TMTC4: variants seen among roughly 807,000 people sequenced by gnomAD.
TMTC4 encodes transmembrane O-mannosyltransferase targeting cadherins 4, also known as protein O-mannosyl-transferase TMTC4.
Under a neutral mutation model 86.0 loss-of-function variants are expected in TMTC4, and 65 were observed. The observed-to-expected ratio is 0.76, with a 90% CI of 0.62 to 0.93. The LOEUF (loss-of-function observed/expected upper bound fraction) is 0.93. Ranked by LOEUF, TMTC4 falls within the 40% of genes least tolerant of loss-of-function variation. The pLI is 0.00. For missense variants in TMTC4, 866 were observed against 948.1 expected (o/e 0.91, Z 1.14); for synonymous variants, 379 against 382.5 (o/e 0.99, Z 0.11).
At position 100,621,878 on chromosome 13, in the gene TMTC4, C is replaced by T. The variant is rs143550371; in HGVS notation, c.1836+3657G>A. On this transcript the variant is annotated intron_variant, in intron 15 of 18. Transcript: ENST00000342624. ...GTAAGACCTCATGTGCTCCCATCCT[C>T]CACCCCACCCCTATTCTCACTTCAC... Among the ~76,000 whole-genome samples the T allele has an allele frequency of 1.8e-3, 273 of 152,300 alleles. 2 individuals carry two copies. Among genetic ancestry groups the T allele is most frequent in the African/African-American group, 5.9e-3 (244 of 41,564 alleles).
At chr13:100,615,084 A>T (rs1447658769) in intron 15 of TMTC4, 1 of 189,114 alleles carries the variant, frequency 5.3e-6, no homozygotes, top group Admixed American at 6.5e-5. Context: ...TCATTTAGGA[A>T]GGAGAAAAAT....
In TMTC4 at chr13:100,657,119, T is replaced by TAA. The variant is rs1458716057; in HGVS notation, c.553-652_553-651insTT. ...ACGATACCCAAGAGCTCCAAAGACTTAGTCTTCTGAGGTCACAAAGTGGAT... is the reference window on the plus strand; with the variant it reads ...ACGATACCCAAGAGCTCCAAAGACTTAAAGTCTTCTGAGGTCACAAAGTGGAT... On this transcript the variant is annotated intron_variant, in intron 5 of 18. Coordinates refer to ENST00000342624, the MANE Select transcript of TMTC4 (RefSeq NM_032813.5). 2.6e-5 allele frequency among the ~76,000 whole-genome samples: 4 copies of TAA among 152,290 alleles called. No homozygotes were observed. The East Asian group carries it at 7.7e-4, about 29-fold the overall frequency.
intron 12 of TMTC4, among the ~76,000 whole-genome samples, chr13:100,632,020 C>T (rs1189046596): frequency 2.6e-5 from 1 of 38,840 alleles, no homozygotes; most frequent in African/African-American, 7.6e-5. Flanking sequence ...GGAAACCACA[C>T]ACACACACAC....
rs1181396543 is a variant in TMTC4, at chr13:100,673,923, A to AT, written c.-208+820dup. On this transcript the variant is annotated intron_variant, in intron 1 of 18. Transcript: ENST00000342624. ...GTTTCTCAAGACATTCTCCCCATGC[A>AT]TTTATTTGCTCTCCCGGGGAAAGAG... 3.5e-5 allele frequency: 21 copies of AT among 597,366 alleles called. No homozygotes were observed. The Admixed American group carries it at 1.3e-3, about 38-fold the overall frequency. The allele number at this position is 597,366 out of a possible 1,614,324, so 37.0% of individuals were successfully genotyped here.
At chr13:100,668,868 A>AAG in intron 2 of TMTC4, 74 bp from the exon 3 acceptor site, 1 of 1,403,956 alleles carries the variant, frequency 7.1e-7, no homozygotes, top group Non-Finnish European at 9.9e-7. Context: ...CACCGTGAGT[A>AAG]AGAGCTAGAT....
chr13:100,625,687 A>G lies in TMTC4; in HGVS notation c.1695-11T>C, dbSNP rs181325292. 2.1e-5 allele frequency: 34 copies of G among 1,612,846 alleles called. No homozygotes were observed. In the African/African-American group the frequency reaches 4.4e-4, roughly 21 times the overall value. On this transcript the variant is annotated splice_polypyrimidine_tract_variant and intron_variant, in intron 14 of 18. Coordinates refer to ENST00000342624, the MANE Select transcript of TMTC4 (RefSeq NM_032813.5). ...GCGGCAAAGTCTGGCCTAGAGGAGC[A>G]GTTTTAACAAAGATAAACAAGAAGA...
intron 6 of TMTC4, among the ~76,000 whole-genome samples, chr13:100,653,520 T>A (rs1179600606): frequency 6.6e-6 from 1 of 151,726 alleles, no homozygotes; most frequent in Admixed American, 6.6e-5. Context: ...TGGGGAGGGG[T>A]CAGAGACCTG....
At chr13:100,662,901 C>T (rs79748265) in intron 5 of TMTC4, 63 bp downstream of exon 5, 198,731 of 1,575,562 alleles carry the variant, frequency 0.13, 13,441 homozygotes, top group Non-Finnish European at 0.14. Context: ...GGAAACCAGG[C>T]GACATGGGGG....
upstream of TMTC4, chr13:100,674,838 C>G (rs56900311): frequency 0.32 from 314,436 of 975,522 alleles, 52,506 homozygotes; most frequent in Admixed American, 0.37. Flanking sequence ...GGGGAGGGGC[C>G]GCCCGCCGCG....
At chr13:100,674,859 C>A (rs1042870989), upstream of TMTC4, 6 of 975,054 alleles carry the variant, frequency 6.2e-6, no homozygotes, top group African/African-American at 1.8e-5. Flanking sequence ...CACCCGACCC[C>A]CCCCGCGCCG....
chr13:100,611,658 T>G (rs1388596378), intron 17 of TMTC4, among the ~76,000 whole-genome samples: 1 of 152,142 alleles, frequency 6.6e-6, no homozygotes, highest in Non-Finnish European at 1.5e-5. Context: ...ACGAAGCCAA[T>G]CCCTTCTGGG....
chr13:100,612,795 T>A (rs142565118), intron 16 of TMTC4, among the ~76,000 whole-genome samples: 2 of 152,312 alleles, frequency 1.3e-5, no homozygotes, highest in East Asian at 3.9e-4. Context: ...AACCTAGTTT[T>A]AATTTTTTCC....
upstream of TMTC4, chr13:100,675,021 C>T (rs1887691062): frequency 3.0e-6 from 3 of 985,550 alleles, no homozygotes; most frequent in African/African-American, 5.2e-5. Context: ...TGACGTCAGG[C>T]CAGGGGGCGC....
chr13:100,615,880 A>G (rs996756443), intron 15 of TMTC4, among the ~76,000 whole-genome samples: 11 of 152,190 alleles, frequency 7.2e-5, no homozygotes, highest in African/African-American at 2.7e-4. Flanking sequence ...CCCAATAGTT[A>G]GTGTTTCAAC....
At chr13:100,631,541 C>T (rs914837186) in intron 12 of TMTC4, among the ~76,000 whole-genome samples, 2 of 152,118 alleles carry the variant, frequency 1.3e-5, no homozygotes, top group Non-Finnish European at 2.9e-5. Flanking sequence ...ATTCAACTTC[C>T]CTTTGGCTGA....
chr13:100,649,231 G>C (rs532964593), intron 6 of TMTC4, among the ~76,000 whole-genome samples: 1 of 152,112 alleles, frequency 6.6e-6, no homozygotes, highest in East Asian at 1.9e-4. Context: ...AAATTCAAGT[G>C]AAAAACTAGC....
chr13:100,623,688 G>A (rs1401069790), intron 15 of TMTC4, among the ~76,000 whole-genome samples: 2 of 122,656 alleles, frequency 1.6e-5, no homozygotes, highest in African/African-American at 3.0e-5. Flanking sequence ...AGGAGCCAAT[G>A]CAATGGCTGG....
In TMTC4 at chr13:100,656,537, C is replaced by T. The variant is rs1289865093; in HGVS notation, c.553-69G>A. 1.0e-4 allele frequency: 43 copies of T among 419,998 alleles called. No individual in the cohort carries two copies. In the East Asian group the frequency reaches 2.6e-3, roughly 25 times the overall value. The allele number at this position is 419,998 out of a possible 1,614,324, so 26.0% of individuals were successfully genotyped here. ...TTAAGGAAATCCTAAACTTAGGAGA[C>T]ATAACTTTTTTTTTTTTTTTTTTGC... On this transcript the variant is annotated intron_variant, in intron 5 of 18. Transcript: ENST00000342624.
At chr13:100,634,445 G>A (rs1881903206) in intron 12 of TMTC4, among the ~76,000 whole-genome samples, 1 of 152,060 alleles carries the variant, frequency 6.6e-6, no homozygotes, top group African/African-American at 2.4e-5. Context: ...TGAAAAGTGT[G>A]CTCTAGACAT....
Sources: allele counts gnomAD v4.1 joint callset (sites outside exome capture counted in the v4.1 genomes callset), GRCh38; gene constraint gnomAD v4.1.1; transcripts MANE v1.5; gene names NCBI Gene and HGNC (gene_info 2026-07-23, HGNC 2026-07-21).